Variants in GPATCH2 observed in about 807,000 individuals in gnomAD.
GPATCH2 encodes the protein G patch domain-containing protein 2.
Under a neutral mutation model 58.0 loss-of-function variants are expected in GPATCH2, and 51 were observed. That is an observed-to-expected ratio of 0.88 (90% CI 0.70 to 1.11). The LOEUF is 1.11. Among genes scored for constraint, GPATCH2 ranks in the 50% most tolerant of loss-of-function variants. The probability of loss-of-function intolerance (pLI) is 0.00; values close to 1 mark genes in which losing one functional copy is unlikely to be tolerated. For synonymous variants in GPATCH2, 222 were observed against 218.5 expected (o/e 1.02, Z -0.14); for missense variants, 625 against 652.2 (o/e 0.96, Z 0.45).
At chr1:217,465,604 G>A (rs774303724) in intron 8 of GPATCH2, among the ~76,000 whole-genome samples, 28 of 152,074 alleles carry the variant, frequency 1.8e-4, no homozygotes, top group Non-Finnish European at 4.0e-4. Context: ...GGTTTATCAG[G>A]GGTTTCTGGT....
chr1:217,514,973 G>T (rs1663051078), intron 5 of GPATCH2, 84 bp from the exon 6 acceptor site: 3 of 708,654 alleles, frequency 4.2e-6, no homozygotes, highest in Non-Finnish European at 7.8e-6. Context: ...TCAATTTGAA[G>T]ACATCACTCT....
At chr1:217,432,484 C>A (rs150892556) in intron 9 of GPATCH2, among the ~76,000 whole-genome samples, 125 of 152,256 alleles carry the variant, frequency 8.2e-4, no homozygotes, top group African/African-American at 2.9e-3. Flanking sequence ...TGAGCTCTTT[C>A]CTTCAATTGC....
Position 217,572,517 on chromosome 1 carries a change from C to T in GPATCH2, c.1098+37804G>A, listed in dbSNP as rs187764361. ...CTGTGTTTGCTGAACAACCATTAAT[C>T]ATTATACCAGGTGCTCTATAATCCC... On this transcript the variant is annotated intron_variant, in intron 5 of 9. Transcript: ENST00000366935. 7.9e-5 allele frequency among the ~76,000 whole-genome samples: 12 copies of T among 152,276 alleles called. No individual in the cohort carries two copies. In the East Asian group the frequency reaches 2.3e-3, roughly 29 times the overall value.
At chr1:217,516,329 T>C (rs1663150747) in intron 5 of GPATCH2, among the ~76,000 whole-genome samples, 2 of 152,156 alleles carry the variant, frequency 1.3e-5, no homozygotes, top group South Asian at 4.1e-4. Flanking sequence ...AACCCTAACA[T>C]TTTCAAAACC....
At chr1:217,471,207 C>T (rs558010302) in intron 8 of GPATCH2, among the ~76,000 whole-genome samples, 173 of 152,100 alleles carry the variant, frequency 1.1e-3, no homozygotes, top group Non-Finnish European at 2.1e-3. Context: ...GTAGGATAGA[C>T]AACTTAAACC....
chr1:217,451,920 T>C (rs1161772687), intron 8 of GPATCH2, among the ~76,000 whole-genome samples: 1 of 152,236 alleles, frequency 6.6e-6, no homozygotes, highest in Non-Finnish European at 1.5e-5. Context: ...CTATACTTGC[T>C]GAACGAATTT....
intron 3 of GPATCH2, 26 bp from the exon 4 acceptor site, chr1:217,611,097 C>G (rs777403521): frequency 7.6e-6 from 12 of 1,582,686 alleles, no homozygotes; most frequent in South Asian, 1.2e-5. Flanking sequence ...AAACCCCCCC[C>G]CACCAAAGAC....
chr1:217,506,644 A>C (rs1455228162), intron 6 of GPATCH2, among the ~76,000 whole-genome samples: 1 of 152,192 alleles, frequency 6.6e-6, no homozygotes, highest in East Asian at 1.9e-4. Flanking sequence ...CCAAAACCTT[A>C]AGTGGTTTTC....
At chr1:217,483,053 T>A (rs1301481956) in intron 8 of GPATCH2, among the ~76,000 whole-genome samples, 2 of 152,242 alleles carry the variant, frequency 1.3e-5, no homozygotes, top group East Asian at 3.8e-4. Flanking sequence ...TGCTTTCCAC[T>A]GTATGGATAT....
rs369271397 is a variant in GPATCH2, at chr1:217,467,819, G to A, written c.1278-18482C>T. Among the ~76,000 whole-genome samples the A allele has an allele frequency of 1.6e-4, 25 of 152,234 alleles. No individual in the cohort carries two copies. In the East Asian group the frequency reaches 1.7e-3, roughly 11 times the overall value. On this transcript the variant is annotated intron_variant, in intron 8 of 9. Transcript: ENST00000366935. Reference sequence around the variant, plus strand: ...AGTAAAGGAATCAGCACTTCTTGGAGAAGTGGGTGACTCCTGGTCTAAGCC... The same window carrying A: ...AGTAAAGGAATCAGCACTTCTTGGAAAAGTGGGTGACTCCTGGTCTAAGCC...
chr1:217,611,077 CA>C lies in GPATCH2; in HGVS notation c.836-7del. Reference sequence around the variant, plus strand: ...GTCACTCTGTTCATCATCACCTGTGCAAATACAAGAAACCCCCCCCCACCAA... The same window carrying C: ...GTCACTCTGTTCATCATCACCTGTGCAATACAAGAAACCCCCCCCCACCAA... On this transcript the variant is annotated splice_polypyrimidine_tract_variant and splice_region_variant and intron_variant, in intron 3 of 9. Coordinates refer to ENST00000366935, the MANE Select transcript of GPATCH2 (RefSeq NM_018040.5). 6.2e-7 allele frequency: 1 copy of C among 1,603,030 alleles called. No homozygotes were observed. Among genetic ancestry groups the C allele is most frequent in the South Asian group, 1.1e-5 (1 of 89,748 alleles).
Position 217,620,127 on chromosome 1 carries a change from C to A in GPATCH2, c.429G>T (p.Trp143Cys), listed in dbSNP as rs562117864. The change falls in exon 2 of 10, where the codon TGG becomes TGT. Residue 143 changes from tryptophan to cysteine, a missense_variant. Transcript: ENST00000366935. ...NNNVRGKRPL[W>C]HESDFAVDNV... is the part of the protein sequence containing the mutation. ...TGTCCACAGCAAAATCAGACTCATG[C>A]CATAGAGGTCTTTTCCCTCGAACAT... 5 of 1,614,068 alleles carry A rather than the reference C, an allele frequency of 3.1e-6. No homozygotes were observed. Among genetic ancestry groups the A allele is most frequent in the South Asian group, 2.2e-5 (2 of 91,072 alleles).
intron 9 of GPATCH2, among the ~76,000 whole-genome samples, chr1:217,438,362 C>T (rs1445958004): frequency 6.6e-6 from 1 of 152,018 alleles, no homozygotes; most frequent in Admixed American, 6.6e-5. Flanking sequence ...AGCAAGGGAA[C>T]AAAACTGGAG....
intron 9 of GPATCH2, among the ~76,000 whole-genome samples, chr1:217,438,384 G>C (rs745445756): frequency 4.6e-5 from 7 of 152,126 alleles, no homozygotes; most frequent in African/African-American, 1.7e-4. Flanking sequence ...ATGAGTTTGA[G>C]GAATTGACAG....
At chr1:217,584,374 C>G (rs1483097144) in intron 5 of GPATCH2, among the ~76,000 whole-genome samples, 1 of 125,538 alleles carries the variant, frequency 8.0e-6, no homozygotes, top group African/African-American at 2.9e-5. Context: ...TACACACACA[C>G]AAAAATTAGC....
chr1:217,628,900 T>C (rs899538220), intron 1 of GPATCH2, among the ~76,000 whole-genome samples: 5 of 152,036 alleles, frequency 3.3e-5, no homozygotes, highest in South Asian at 2.1e-4. Flanking sequence ...TTCAGACACA[T>C]AGGCAACATA....
intron 1 of GPATCH2, among the ~76,000 whole-genome samples, chr1:217,629,036 T>C (rs1400989903): frequency 6.6e-6 from 1 of 152,144 alleles, no homozygotes; most frequent in East Asian, 1.9e-4. Flanking sequence ...ATGATACACC[T>C]ACCTCAAAAG....
intron 8 of GPATCH2, among the ~76,000 whole-genome samples, chr1:217,451,464 C>T (rs1659662153): frequency 6.6e-6 from 1 of 152,136 alleles, no homozygotes; most frequent in African/African-American, 2.4e-5. Flanking sequence ...TTTCAATACT[C>T]CTTTACTCCA....
intron 9 of GPATCH2, 61 bp from the exon 10 acceptor site, chr1:217,431,426 T>A: frequency 1.0e-6 from 1 of 969,424 alleles, no homozygotes. Flanking sequence ...GATATTAGGC[T>A]ATGAAAACGA....
Sources: allele counts gnomAD v4.1 joint callset (sites outside exome capture counted in the v4.1 genomes callset), GRCh38; gene constraint gnomAD v4.1.1; transcripts MANE v1.5; gene names NCBI Gene and HGNC (gene_info 2026-07-23, HGNC 2026-07-21).